Variants in ATF1 observed in about 807,000 individuals in gnomAD.
The protein encoded by ATF1 is cyclic AMP-dependent transcription factor ATF-1.
ATF1 carries 16 observed loss-of-function variants against 34.7 expected under a neutral mutation model. That is an observed-to-expected ratio of 0.46 (90% CI 0.31 to 0.70). The LOEUF (loss-of-function observed/expected upper bound fraction) is 0.70. Among genes scored for constraint, ATF1 ranks in the 30% least tolerant of loss-of-function variants. The pLI is 0.05. For synonymous variants in ATF1, 105 were observed against 113.1 expected (o/e 0.93, Z 0.46); for missense variants, 255 against 321.6 (o/e 0.79, Z 1.58).
chr12:50,819,598 T>C, intron 6 of ATF1, 37 bp from the exon 7 acceptor site: 1 of 1,598,750 alleles, frequency 6.3e-7, no homozygotes, highest in Admixed American at 1.8e-5. Flanking sequence ...GAATGTGAAG[T>C]TTTTTCTAAC....
rs375421935 is a variant in ATF1, at chr12:50,784,782, TA to T, written c.93+4545del. On this transcript the variant is annotated intron_variant, in intron 2 of 6. Coordinates refer to ENST00000262053, the MANE Select transcript of ATF1 (RefSeq NM_005171.5). The stretch of plus-strand genomic sequence containing the variant: ...ATGACAATGGCTTGGACCAGTGTGG[TA>T]GCTGGGGTAGTGATGAGACAAAGTT... Among the ~76,000 whole-genome samples the T allele has an allele frequency of 1.6e-3, 245 of 152,292 alleles. 1 individual carries two copies. The highest frequency in any genetic ancestry group is 5.4e-3 in the African/African-American group (226 of 41,558).
At chr12:50,766,002 A>G (rs1171208667) in intron 1 of ATF1, among the ~76,000 whole-genome samples, 1 of 152,102 alleles carries the variant, frequency 6.6e-6, no homozygotes, top group East Asian at 1.9e-4. Flanking sequence ...TTTACATCGC[A>G]CTGTGGACTT....
chr12:50,817,079 A>G (rs1465157976), intron 6 of ATF1, among the ~76,000 whole-genome samples: 1 of 152,190 alleles, frequency 6.6e-6, no homozygotes, highest in African/African-American at 2.4e-5. Flanking sequence ...GTGTAAATTG[A>G]TGCAGCCATT....
chr12:50,792,008 C>T (rs969393116), intron 2 of ATF1, among the ~76,000 whole-genome samples: 3 of 152,134 alleles, frequency 2.0e-5, no homozygotes, highest in East Asian at 1.9e-4. Flanking sequence ...CATATCTCTT[C>T]AGAATAGCAT....
chr12:50,801,985 CAG>C (rs1941520884), intron 3 of ATF1, among the ~76,000 whole-genome samples: 1 of 152,100 alleles, frequency 6.6e-6, no homozygotes, highest in Non-Finnish European at 1.5e-5. Flanking sequence ...TTGTACATGA[CAG>C]TATCTTATAT....
chr12:50,781,670 CAA>C (rs1941065235), intron 2 of ATF1, among the ~76,000 whole-genome samples: 1 of 152,018 alleles, frequency 6.6e-6, no homozygotes, highest in African/African-American at 2.4e-5. Context: ...AGACTGGTCT[CAA>C]ACTCCTGACC....
chr12:50,788,960 G>A (rs1295824616), intron 2 of ATF1, among the ~76,000 whole-genome samples: 1 of 152,180 alleles, frequency 6.6e-6, no homozygotes, highest in African/African-American at 2.4e-5. Flanking sequence ...GTGCAAGAAG[G>A]CTGTGATGTG....
chr12:50,778,528 A>T (rs1314568249), intron 1 of ATF1, among the ~76,000 whole-genome samples: 4 of 151,854 alleles, frequency 2.6e-5, no homozygotes, highest in Non-Finnish European at 4.4e-5. Flanking sequence ...TGGCCATATT[A>T]ACCATTTTTA....
intron 2 of ATF1, among the ~76,000 whole-genome samples, chr12:50,789,257 G>A (rs968060348): frequency 6.6e-6 from 1 of 151,904 alleles, no homozygotes; most frequent in Non-Finnish European, 1.5e-5. Context: ...TAGTAGAGAC[G>A]GGGGTTTCGC....
chr12:50,820,071 G>T lies in ATF1; in HGVS notation c.*292G>T. ...TAACCAATAGTTGCCAATCTAAAATGGCAGAGAAGATGAAATTTGATAAAC... is the reference window on the plus strand; with the variant it reads ...TAACCAATAGTTGCCAATCTAAAATTGCAGAGAAGATGAAATTTGATAAAC... On this transcript the variant is annotated 3_prime_UTR_variant, in exon 7 of 7. Coordinates refer to ENST00000262053, the MANE Select transcript of ATF1 (RefSeq NM_005171.5). The T allele has an allele frequency of 3.8e-6, 1 of 264,694 alleles. No individual in the cohort carries two copies. Among genetic ancestry groups the T allele is most frequent in the Non-Finnish European group, 7.1e-6 (1 of 140,120 alleles). The allele number at this position is 264,694 out of a possible 1,614,324, so 16.4% of individuals were successfully genotyped here.
intron 3 of ATF1, among the ~76,000 whole-genome samples, chr12:50,796,352 T>C (rs761432189): frequency 2.6e-5 from 4 of 152,190 alleles, no homozygotes; most frequent in Non-Finnish European, 4.4e-5. Flanking sequence ...TGTGATTGTG[T>C]CACTGTGCTC....
At chr12:50,817,752 T>C (rs1017277910) in intron 6 of ATF1, among the ~76,000 whole-genome samples, 8 of 152,210 alleles carry the variant, frequency 5.3e-5, no homozygotes, top group Non-Finnish European at 1.2e-4. Flanking sequence ...GTATAGGTTA[T>C]ATAAAGATTT....
intron 2 of ATF1, among the ~76,000 whole-genome samples, chr12:50,788,795 GTCT>G (rs1198875161): frequency 2.0e-5 from 3 of 152,174 alleles, no homozygotes; most frequent in African/African-American, 7.2e-5. Context: ...GTGATGCTGT[GTCT>G]TCTTGCATCA....
At chr12:50,798,625 T>TAA (rs1941457542) in intron 3 of ATF1, among the ~76,000 whole-genome samples, 1 of 152,118 alleles carries the variant, frequency 6.6e-6, no homozygotes, top group Non-Finnish European at 1.5e-5. Flanking sequence ...TGAGATTTCT[T>TAA]TATTAAGTAG....
intron 1 of ATF1, among the ~76,000 whole-genome samples, chr12:50,767,073 C>G (rs893036321): frequency 6.6e-6 from 1 of 152,122 alleles, no homozygotes; most frequent in African/African-American, 2.4e-5. Flanking sequence ...GGCTTGGCCC[C>G]CAGGGCAATG....
At chr12:50,766,059 C>T (rs1337889577) in intron 1 of ATF1, among the ~76,000 whole-genome samples, 2 of 152,140 alleles carry the variant, frequency 1.3e-5, no homozygotes, top group African/African-American at 2.4e-5. Context: ...TCAGTTGGGG[C>T]CTGGATCAGG....
intron 1 of ATF1, among the ~76,000 whole-genome samples, chr12:50,773,018 T>C (rs1277627257): frequency 6.6e-6 from 1 of 152,186 alleles, no homozygotes; most frequent in Non-Finnish European, 1.5e-5. Context: ...GAACATGCAG[T>C]GTTTGATGTT....
chr12:50,785,684 G>A lies in ATF1; in HGVS notation c.93+5446G>A, dbSNP rs544517792. On this transcript the variant is annotated intron_variant, in intron 2 of 6. Transcript: ENST00000262053. The stretch of plus-strand genomic sequence containing the variant: ...ATCTACTTCCAAGGTCACTTAGTTT[G>A]TTGGCAGAATTCTTTTCACTGTGGC... Among the ~76,000 whole-genome samples the A allele has an allele frequency of 4.6e-5, 7 of 152,276 alleles. No individual in the cohort carries two copies. The South Asian group carries it at 1.4e-3, about 32-fold the overall frequency.
intron 3 of ATF1, among the ~76,000 whole-genome samples, chr12:50,803,974 G>A (rs1592194503): frequency 6.6e-6 from 1 of 152,270 alleles, no homozygotes; most frequent in South Asian, 2.1e-4. Flanking sequence ...GACTGCTAAT[G>A]GGTACCAAGT....
Sources: allele counts gnomAD v4.1 joint callset (sites outside exome capture counted in the v4.1 genomes callset), GRCh38; gene constraint gnomAD v4.1.1; transcripts MANE v1.5; gene names NCBI Gene and HGNC (gene_info 2026-07-23, HGNC 2026-07-21).